The following ASPRV1 variants were observed in gnomAD, a reference collection of about 807,000 sequenced individuals.
ASPRV1 encodes aspartic peptidase retroviral like 1.
Under a neutral mutation model 11.0 loss-of-function variants are expected in ASPRV1, and 7 were observed. The ratio of observed to expected loss-of-function variants is 0.64; its 90% CI spans 0.36 to 1.20. ASPRV1 has a LOEUF of 1.20. Among genes scored for constraint, ASPRV1 ranks in the 50% most tolerant of loss-of-function variants. The pLI is 0.02. For missense variants in ASPRV1, 299 were observed against 320.0 expected, an observed-to-expected ratio of 0.93 and a Z score of 0.50; for synonymous variants, 136 against 138.4, an observed-to-expected ratio of 0.98 and a Z score of 0.12.
At chr2:70,045,125 C>T in the ASPRV1 span, 1 of 152,110 alleles carries the variant, frequency 6.6e-6, no homozygotes, top group Admixed American at 6.6e-5. Flanking sequence ...CAAGCAAAAT[C>T]GCAAGGTGGG....
the ASPRV1 span, among the ~76,000 whole-genome samples, chr2:70,073,538 G>A: frequency 2.0e-5 from 3 of 152,130 alleles, no homozygotes; most frequent in African/African-American, 7.2e-5. Flanking sequence ...GATACTTAAC[G>A]ATACTTTGTT....
chr2:69,996,813 A>G, the ASPRV1 span: 1 of 443,652 alleles, frequency 2.3e-6, no homozygotes, highest in South Asian at 1.6e-5. Context: ...ACTGTCCCTA[A>G]CCGGAGGTGC....
the ASPRV1 span, among the ~76,000 whole-genome samples, chr2:70,013,187 C>G: frequency 6.6e-6 from 1 of 152,150 alleles, no homozygotes; most frequent in Non-Finnish European, 1.5e-5. Context: ...GTTACAAAAT[C>G]AGGCATGAAT....
the ASPRV1 span, chr2:69,938,595 C>T: frequency 3.9e-6 from 1 of 253,256 alleles, no homozygotes; most frequent in East Asian, 1.0e-4. Flanking sequence ...CTTTGCTCTC[C>T]TCGTGTCCTC....
At chr2:70,006,059 T>C in the ASPRV1 span, among the ~76,000 whole-genome samples, 2 of 152,242 alleles carry the variant, frequency 1.3e-5, no homozygotes, top group African/African-American at 2.4e-5. Flanking sequence ...GGCAGCATCC[T>C]GGCCTCTTTC....
the ASPRV1 span, among the ~76,000 whole-genome samples, chr2:69,971,876 G>A: frequency 6.6e-6 from 1 of 152,172 alleles, no homozygotes; most frequent in South Asian, 2.1e-4. Flanking sequence ...TCCTGACTCA[G>A]CCACTAACTG....
the ASPRV1 span, chr2:70,086,129 G>A: frequency 6.6e-6 from 1 of 152,196 alleles, no homozygotes; most frequent in Non-Finnish European, 1.5e-5. Flanking sequence ...CCGACCTTCA[G>A]ACCAGCCTGT....
chr2:70,020,703 T>C, the ASPRV1 span, among the ~76,000 whole-genome samples: 9 of 152,100 alleles, frequency 5.9e-5, no homozygotes, highest in South Asian at 4.1e-4. Flanking sequence ...GATCATGCCA[T>C]TGCACTCCAG....
the ASPRV1 span, among the ~76,000 whole-genome samples, chr2:70,059,130 A>T: frequency 1.3e-5 from 2 of 151,462 alleles, no homozygotes; most frequent in South Asian, 4.2e-4. Flanking sequence ...TGACCTCGTG[A>T]TCCGCCCACC....
chr2:70,070,629 A>G, the ASPRV1 span: 2 of 152,344 alleles, frequency 1.3e-5, no homozygotes, highest in Non-Finnish European at 2.9e-5. Context: ...TGTCTCTACT[A>G]AAAAAATAAA....
At chr2:70,027,521 A>T in the ASPRV1 span, among the ~76,000 whole-genome samples, 1 of 152,184 alleles carries the variant, frequency 6.6e-6, no homozygotes, top group Non-Finnish European at 1.5e-5. Context: ...CAACAGAAGA[A>T]TGGATTAAAA....
chr2:70,003,597 C>T, the ASPRV1 span, among the ~76,000 whole-genome samples: 1 of 152,198 alleles, frequency 6.6e-6, no homozygotes, highest in Non-Finnish European at 1.5e-5. Flanking sequence ...TGGAAGACAG[C>T]TACTGGCCAC....
At chr2:70,031,630 G>A in the ASPRV1 span, 1 of 152,158 alleles carries the variant, frequency 6.6e-6, no homozygotes, top group African/African-American at 2.4e-5. Context: ...CCGGGAGGTG[G>A]AGCTTGCAGT....
At chr2:69,990,138 G>A in the ASPRV1 span, among the ~76,000 whole-genome samples, 2,367 of 152,142 alleles carry the variant, frequency 0.016, 133 homozygotes, top group Admixed American at 0.095. Context: ...CTTGAACCCC[G>A]GTGCCTTGGT....
the ASPRV1 span, among the ~76,000 whole-genome samples, chr2:70,037,583 T>C: frequency 6.6e-6 from 1 of 152,242 alleles, no homozygotes; most frequent in Non-Finnish European, 1.5e-5. Flanking sequence ...TATGCTTTGT[T>C]AGTCACATTT....
the ASPRV1 span, among the ~76,000 whole-genome samples, chr2:69,981,668 T>C: frequency 6.6e-6 from 1 of 152,210 alleles, no homozygotes; most frequent in African/African-American, 2.4e-5. Context: ...GCAATTATCC[T>C]GCCTCAGCCT....
At chr2:69,939,143 TTCCCCCCCCAAAATA>T in the ASPRV1 span, 1 of 150,928 alleles carries the variant, frequency 6.6e-6, no homozygotes. Flanking sequence ...TTATCCTTTT[TTCCCCCCCCAAAATA>T]GTGACATTTG....
the ASPRV1 span, chr2:69,938,002 C>G: frequency 4.9e-6 from 6 of 1,219,832 alleles, no homozygotes; most frequent in Non-Finnish European, 6.9e-6. Flanking sequence ...CCGCCTTTGC[C>G]TCCCAAAGTG....
chr2:69,951,132 T>G, the ASPRV1 span, among the ~76,000 whole-genome samples: 3 of 151,840 alleles, frequency 2.0e-5, no homozygotes, highest in African/African-American at 7.3e-5. Flanking sequence ...ATATAAAATA[T>G]GCGAGTGTGT....
Sources: gnomAD v4.1 joint callset for allele counts (sites outside exome capture counted in the v4.1 genomes callset) on GRCh38, gnomAD v4.1.1 for gene constraint, MANE v1.5 for transcripts, NCBI Gene and HGNC (gene_info 2026-07-23, HGNC 2026-07-21) for gene names.